Variants in NBEAL1 observed in about 807,000 individuals in gnomAD.
NBEAL1 encodes neurobeachin like 1.
NBEAL1 carries 273 observed loss-of-function variants against 351.3 expected under a neutral mutation model. That is an observed-to-expected ratio of 0.78 (90% confidence interval 0.70 to 0.86). The LOEUF (loss-of-function observed/expected upper bound fraction) is 0.86. Ranked by LOEUF, NBEAL1 falls within the 40% of genes least tolerant of loss-of-function variation. The probability of loss-of-function intolerance (pLI) is 0.00; values close to 1 mark genes in which losing one functional copy is unlikely to be tolerated. For missense variants in NBEAL1, 2,961 were observed against 3,201.3 expected, an observed-to-expected ratio of 0.92 and a Z score of 1.81; for synonymous variants, 1,050 against 1,086.4, an observed-to-expected ratio of 0.97 and a Z score of 0.66.
chr2:203,034,167 T>TC (rs1205043750), intron 2 of NBEAL1, among the ~76,000 whole-genome samples: 1 of 151,586 alleles, frequency 6.6e-6, no homozygotes, highest in East Asian at 1.9e-4. Context: ...TACTTTTTTT[T>TC]TTTTTTTTTG....
chr2:203,143,565 C>G (rs552859438), intron 31 of NBEAL1, among the ~76,000 whole-genome samples: 20 of 151,740 alleles, frequency 1.3e-4, no homozygotes, highest in Admixed American at 6.5e-4. Flanking sequence ...TCTCCATCAT[C>G]TGTCAGCTTG....
chr2:203,159,906 C>G (rs1346062593), intron 36 of NBEAL1, among the ~76,000 whole-genome samples: 1 of 151,044 alleles, frequency 6.6e-6, no homozygotes, highest in Non-Finnish European at 1.5e-5. Context: ...TGTTATTTTC[C>G]TTGTGGTTTT....
At chr2:203,098,579 T>G (rs1431996677) in intron 11 of NBEAL1, among the ~76,000 whole-genome samples, 2 of 152,214 alleles carry the variant, frequency 1.3e-5, no homozygotes, top group South Asian at 4.1e-4. Context: ...AGTTTTTTAA[T>G]ATTCTTGATG....
chr2:203,043,529 C>A (rs180918123), intron 3 of NBEAL1, among the ~76,000 whole-genome samples: 1 of 151,886 alleles, frequency 6.6e-6, no homozygotes, highest in African/African-American at 2.4e-5. Flanking sequence ...TTACTTGAGC[C>A]TAGGAGTTTG....
intron 10 of NBEAL1, among the ~76,000 whole-genome samples, chr2:203,089,289 A>G (rs1009038639): frequency 3.3e-5 from 5 of 151,562 alleles, no homozygotes; most frequent in Non-Finnish European, 7.4e-5. Context: ...AACCTCAGAG[A>G]CGGAGGTTGC....
intron 3 of NBEAL1, among the ~76,000 whole-genome samples, chr2:203,045,718 G>A: frequency 6.6e-6 from 1 of 152,160 alleles, no homozygotes; most frequent in East Asian, 1.9e-4. Flanking sequence ...TAATTAAACA[G>A]CCTTTTACTC....
At chr2:203,192,434 G>T (rs1424004101) in intron 46 of NBEAL1, among the ~76,000 whole-genome samples, 1 of 151,090 alleles carries the variant, frequency 6.6e-6, no homozygotes, top group Admixed American at 6.6e-5. Context: ...GCCCAGTCTG[G>T]AGTACAATGG....
At chr2:203,127,147 C>A (rs1204744591) in intron 23 of NBEAL1, among the ~76,000 whole-genome samples, 2 of 152,184 alleles carry the variant, frequency 1.3e-5, no homozygotes, top group Non-Finnish European at 2.9e-5. Flanking sequence ...AATTACTCAA[C>A]TTCTCTGTGC....
chr2:203,154,327 C>T (rs997836007), intron 35 of NBEAL1, among the ~76,000 whole-genome samples: 1 of 151,500 alleles, frequency 6.6e-6, no homozygotes, highest in Admixed American at 6.6e-5. Context: ...AATTGGAAAT[C>T]ATAAAAAAAG....
At chr2:203,112,970 G>A in intron 16 of NBEAL1, 45 bp from the exon 17 acceptor site, 1 of 1,377,660 alleles carries the variant, frequency 7.3e-7, no homozygotes, top group Non-Finnish European at 9.6e-7. Flanking sequence ...TAAATATGAG[G>A]ATATATGTTA....
intron 7 of NBEAL1, among the ~76,000 whole-genome samples, chr2:203,075,554 A>G (rs2061756915): frequency 6.6e-6 from 1 of 152,234 alleles, no homozygotes; most frequent in Non-Finnish European, 1.5e-5. Context: ...TTGTGTGAGG[A>G]TAGATACTGA....
At chr2:203,110,105 TGA>T in intron 14 of NBEAL1, 43 bp from the exon 15 acceptor site, 1 of 1,518,400 alleles carries the variant, frequency 6.6e-7, no homozygotes, top group Non-Finnish European at 8.8e-7. Flanking sequence ...ATGATGAAAC[TGA>T]ACAACCAACT....
chr2:203,048,706 A>C (rs771523759), intron 3 of NBEAL1, among the ~76,000 whole-genome samples: 1 of 152,184 alleles, frequency 6.6e-6, no homozygotes, highest in Non-Finnish European at 1.5e-5. Context: ...TTAGACGTTG[A>C]ATCCAGGTAT....
In NBEAL1 at chr2:203,222,901, GA is replaced by G. The variant is rs1455807146; in HGVS notation, c.*5549del. On this transcript the variant is annotated 3_prime_UTR_variant, in exon 56 of 56. Transcript: ENST00000683969. Reference sequence around the variant, plus strand: ...TTTAATTTTTTATAGGTATAACAGAGAAGAACGCATTAACATTTAAGATGTT... The same window carrying G: ...TTTAATTTTTTATAGGTATAACAGAGAGAACGCATTAACATTTAAGATGTT... 6.6e-6 allele frequency among the ~76,000 whole-genome samples: 1 copy of G among 152,170 alleles called. No individual in the cohort carries two copies. The highest frequency in any genetic ancestry group is 2.4e-5 in the African/African-American group (1 of 41,446).
Position 203,107,987 on chromosome 2 carries a change from T to C in NBEAL1, c.1748T>C (p.Ile583Thr), listed in dbSNP as rs1310328349. 6.4e-7 allele frequency: 1 copy of C among 1,554,752 alleles called. No individual in the cohort carries two copies. The highest frequency in any genetic ancestry group is 2.0e-5 in the Admixed American group (1 of 51,004). The change falls in exon 14 of 56, where the codon ATC becomes ACC. Residue 583 changes from isoleucine to threonine, a missense_variant. Physicochemically the swap from Ile to Thr is moderately conservative, Grantham distance 89. Transcript: ENST00000683969. ...TATGTCACTCCCGTGACTCGAGCAA[T>C]CCTGACAATGGCCCGAAAACTAAGT... ...HPYVTPVTRA[I>T]LTMARKLSLE... is the part of the protein sequence containing the mutation.
intron 12 of NBEAL1, 114 bp downstream of exon 12, chr2:203,099,826 C>G: frequency 1.5e-6 from 1 of 681,428 alleles, no homozygotes; most frequent in South Asian, 2.1e-5. Context: ...ATTTGGTGTA[C>G]AGATTATTTT....
chr2:203,017,134 G>C (rs766209833), intron 2 of NBEAL1, among the ~76,000 whole-genome samples: 2 of 152,068 alleles, frequency 1.3e-5, no homozygotes, highest in African/African-American at 4.8e-5. Context: ...TGATAGCTTT[G>C]ATTTTAGGTT....
chr2:203,043,601 C>T (rs1006613949), intron 3 of NBEAL1, among the ~76,000 whole-genome samples: 4 of 151,818 alleles, frequency 2.6e-5, no homozygotes, highest in African/African-American at 9.7e-5. Context: ...TGGTGGTGTG[C>T]ACCTGTAGTC....
At chr2:203,148,387 T>C (rs77794043) in intron 33 of NBEAL1, among the ~76,000 whole-genome samples, 5,339 of 152,132 alleles carry the variant, frequency 0.035, 299 homozygotes, top group African/African-American at 0.12. Flanking sequence ...CACATTGCTG[T>C]AATGTCTCTC....
Sources: gnomAD v4.1 joint callset for allele counts (sites outside exome capture counted in the v4.1 genomes callset) on GRCh38, gnomAD v4.1.1 for gene constraint, MANE v1.5 for transcripts, NCBI Gene and HGNC (gene_info 2026-07-23, HGNC 2026-07-21) for gene names.